The following PHF3 variants were observed in gnomAD, a reference collection of about 807,000 sequenced individuals.
The protein encoded by PHF3 is PHD finger protein 3.
A neutral mutation model predicts 178.4 loss-of-function variants in PHF3; 41 were observed. The ratio of observed to expected loss-of-function variants is 0.23; its 90% CI spans 0.18 to 0.30. PHF3 has a LOEUF of 0.30. Among genes scored for constraint, PHF3 ranks in the 10% least tolerant of loss-of-function variants. The probability of loss-of-function intolerance (pLI) is 1.00; values close to 1 mark genes in which losing one functional copy is unlikely to be tolerated. For synonymous variants in PHF3, 842 were observed against 800.5 expected (o/e 1.05, Z -0.88); for missense variants, 2,346 against 2,398.1 (o/e 0.98, Z 0.45).
At position 63,672,513 on chromosome 6, in the gene PHF3, T is replaced by G. The variant is rs577577025; in HGVS notation, c.245-7487T>G. 4.6e-5 allele frequency among the ~76,000 whole-genome samples: 7 copies of G among 152,364 alleles called. No homozygotes were observed. In the South Asian group the frequency reaches 1.4e-3, roughly 32 times the overall value. On this transcript the variant is annotated intron_variant, in intron 2 of 15. Coordinates refer to ENST00000262043, the MANE Select transcript of PHF3 (RefSeq NM_001370348.2). ...GTTGCTTGGTAGGTTAAAAAACACT[T>G]TAATACATTTTTAGCCTTTATTATA... is the stretch of plus-strand genomic sequence containing the variant.
Position 63,694,776 on chromosome 6 carries a change from A to T in PHF3, c.2680+12A>T, listed in dbSNP as rs1009743809. Reference sequence around the variant, plus strand: ...AGCTTCAAAACCAGGTAGTGAGATGAACAGAAAAAATTATATACTAATATA... The same window carrying T: ...AGCTTCAAAACCAGGTAGTGAGATGTACAGAAAAAATTATATACTAATATA... On this transcript the variant is annotated intron_variant, in intron 6 of 15. Coordinates refer to ENST00000262043, the MANE Select transcript of PHF3 (RefSeq NM_001370348.2). 4 of 1,414,382 alleles carry T rather than the reference A, an allele frequency of 2.8e-6. No individual in the cohort carries two copies. Among genetic ancestry groups the T allele is most frequent in the African/African-American group, 1.5e-5 (1 of 68,226 alleles). 87.6% of individuals were successfully genotyped at this position (1,414,382 alleles called of 1,614,324 possible).
At position 63,715,183 on chromosome 6, in the gene PHF3, C is replaced by T. The variant is rs1459554418; in HGVS notation, c.*1475C>T. ...GGAGAGAAGGGAGGAAATTCAGAACCAAACATTCTATTTAATTTGCAATGA... is the reference window on the plus strand; with the variant it reads ...GGAGAGAAGGGAGGAAATTCAGAACTAAACATTCTATTTAATTTGCAATGA... On this transcript the variant is annotated 3_prime_UTR_variant, in exon 16 of 16. Coordinates refer to ENST00000262043, the MANE Select transcript of PHF3 (RefSeq NM_001370348.2). 1 of 151,990 alleles carries T rather than the reference C, an allele frequency of 6.6e-6. No individual in the cohort carries two copies. The highest frequency in any genetic ancestry group is 2.4e-5 in the African/African-American group (1 of 41,390). 9.4% of individuals were successfully genotyped at this position (151,990 alleles called of 1,614,324 possible).
intron 1 of PHF3, among the ~76,000 whole-genome samples, chr6:63,645,513 T>C (rs943299427): frequency 1.3e-5 from 2 of 152,210 alleles, no homozygotes; most frequent in Non-Finnish European, 2.9e-5. Context: ...AATTCAAGAC[T>C]AGTTTGAGGA....
At chr6:63,648,747 A>G (rs1486388978) in intron 2 of PHF3, among the ~76,000 whole-genome samples, 5 of 152,082 alleles carry the variant, frequency 3.3e-5, no homozygotes, top group Non-Finnish European at 7.4e-5. Flanking sequence ...ATTACTTCCT[A>G]AATTTTCTGA....
In PHF3 at chr6:63,712,930, C is replaced by CTT; in HGVS notation, c.5342_5343insTT (p.Phe1782SerfsTer18). On this transcript the variant is annotated frameshift_variant, in exon 16 of 16. Transcript: ENST00000262043. LOFTEE classifies it high-confidence loss of function. The stretch of plus-strand genomic sequence containing the variant: ...TCAGAATTTCCTTCTAAAAGCATCA[C>CTT]CTTTACTTCCAGAAGCACCAGCCCC... 2 of 1,614,004 alleles carry CTT rather than the reference C, an allele frequency of 1.2e-6. No individual in the cohort carries two copies. Among genetic ancestry groups the CTT allele is most frequent in the Non-Finnish European group, 1.7e-6 (2 of 1,179,972 alleles).
intron 10 of PHF3, 116 bp from the exon 11 acceptor site, chr6:63,703,420 C>T: frequency 9.5e-7 from 1 of 1,049,982 alleles, no homozygotes; most frequent in Non-Finnish European, 1.4e-6. Context: ...AAATCAAAAA[C>T]TTATCTATGG....
chr6:63,671,962 G>T (rs1765937699), intron 2 of PHF3, among the ~76,000 whole-genome samples: 1 of 152,062 alleles, frequency 6.6e-6, no homozygotes, highest in Non-Finnish European at 1.5e-5. Context: ...GGCCAGGATG[G>T]TCTTGATCTC....
intron 2 of PHF3, among the ~76,000 whole-genome samples, chr6:63,662,934 C>G (rs1397976316): frequency 6.6e-6 from 1 of 152,170 alleles, no homozygotes; most frequent in South Asian, 2.1e-4. Context: ...GTTGACAACT[C>G]CAGTTGGTAC....
intron 2 of PHF3, among the ~76,000 whole-genome samples, chr6:63,647,295 A>G (rs1277751629): frequency 6.6e-6 from 1 of 152,072 alleles, no homozygotes; most frequent in Non-Finnish European, 1.5e-5. Context: ...TTGTACATGT[A>G]TCTTAAAACC....
chr6:63,679,639 A>T (rs982055113), intron 2 of PHF3: 3 of 340,762 alleles, frequency 8.8e-6, no homozygotes, highest in Non-Finnish European at 1.7e-5. Context: ...AGGGTATGGA[A>T]CTCCTGTACT....
In PHF3 at chr6:63,712,858, G is replaced by C; in HGVS notation, c.5270G>C (p.Gly1757Ala). The change falls in exon 16 of 16, where the codon GGA becomes GCA. Residue 1757 changes from glycine to alanine, a missense_variant. Gly to Ala is a moderately conservative substitution (Grantham distance 60, BLOSUM62 0). Coordinates refer to ENST00000262043, the MANE Select transcript of PHF3 (RefSeq NM_001370348.2). ...NIETVHPFRR[G>A]SAVATSHFEV... ...GAAACTGTGCACCCATTTCGAAGAG[G>C]ATCAGCAGTAGCGACATCTCATTTT... 6.2e-7 allele frequency: 1 copy of C among 1,614,008 alleles called. No individual in the cohort carries two copies. Among genetic ancestry groups the C allele is most frequent in the Non-Finnish European group, 8.5e-7 (1 of 1,179,944 alleles).
chr6:63,698,162 A>G, intron 6 of PHF3, 61 bp from the exon 7 acceptor site: 1 of 1,359,234 alleles, frequency 7.4e-7, no homozygotes. Context: ...AAACTTATTC[A>G]TTAAAAAGGA....
rs1768292339 is a variant in PHF3, at chr6:63,719,493, A to G, written c.*5785A>G. Among the ~76,000 whole-genome samples the G allele has an allele frequency of 6.6e-6, 1 of 152,126 alleles. No homozygotes were observed. Among genetic ancestry groups the G allele is most frequent in the African/African-American group, 2.4e-5 (1 of 41,458 alleles). ...GGTTGCCAAGTGGCAAAATTATCAC[A>G]GATATCAAACTCAGAAAATGTCAGG... is the stretch of plus-strand genomic sequence containing the variant. On this transcript the variant is annotated 3_prime_UTR_variant, in exon 16 of 16. Coordinates refer to ENST00000262043, the MANE Select transcript of PHF3 (RefSeq NM_001370348.2).
chr6:63,711,118 ACTCTT>A, intron 14 of PHF3, 44 bp from the exon 15 acceptor site: 1 of 1,334,932 alleles, frequency 7.5e-7, no homozygotes, highest in Non-Finnish European at 1.0e-6. Context: ...AAACCAAGCT[ACTCTT>A]TAGCTTATTA....
At chr6:63,704,385 C>T (rs1187422130) in intron 11 of PHF3, among the ~76,000 whole-genome samples, 1 of 151,884 alleles carries the variant, frequency 6.6e-6, no homozygotes, top group Non-Finnish European at 1.5e-5. Context: ...ATCCTCTTTA[C>T]TCTGTCTATT....
rs1281264873 is a variant in PHF3 at position 63,721,029 on chromosome 6, G to C, written c.*7321G>C. The C allele has an allele frequency of 1.9e-5, 29 of 1,551,066 alleles. No individual in the cohort carries two copies. The highest frequency in any genetic ancestry group is 2.4e-5 in the Non-Finnish European group (27 of 1,146,734). The stretch of plus-strand genomic sequence containing the variant: ...CAGAAAATCATTTTCTTCATTTTGA[G>C]CTATTCCCATCCATACAATTAGACC... On this transcript the variant is annotated 3_prime_UTR_variant, in exon 16 of 16. Coordinates refer to ENST00000262043, the MANE Select transcript of PHF3 (RefSeq NM_001370348.2).
chr6:63,663,548 C>G (rs982795932), intron 2 of PHF3, among the ~76,000 whole-genome samples: 5 of 152,150 alleles, frequency 3.3e-5, no homozygotes, highest in African/African-American at 1.2e-4. Flanking sequence ...TTTCTGTACT[C>G]CAGACTTTAT....
At chr6:63,699,248 GC>G (rs1423166836) in intron 8 of PHF3, among the ~76,000 whole-genome samples, 4 of 152,130 alleles carry the variant, frequency 2.6e-5, no homozygotes, top group African/African-American at 9.7e-5. Flanking sequence ...AGTACAATAA[GC>G]AAAAATCATG....
chr6:63,636,435 C>G (rs1352212355), intron 1 of PHF3: 1 of 152,274 alleles, frequency 6.6e-6, no homozygotes, highest in African/African-American at 2.4e-5. Flanking sequence ...GGCCTCTCTC[C>G]CGACCACTGG....
Sources: allele counts gnomAD v4.1 joint callset (sites outside exome capture counted in the v4.1 genomes callset), GRCh38; gene constraint gnomAD v4.1.1; transcripts MANE v1.5; gene names NCBI Gene and HGNC (gene_info 2026-07-23, HGNC 2026-07-21).